Variants in PFKFB3 observed in about 807,000 individuals in gnomAD.
PFKFB3 encodes the protein 6-phosphofructo-2-kinase/fructose-2,6-biphosphatase 3.
Under a neutral mutation model 68.0 loss-of-function variants are expected in PFKFB3, and 33 were observed. The observed-to-expected ratio is 0.49, with a 90% confidence interval of 0.37 to 0.65. PFKFB3 has a LOEUF of 0.65. PFKFB3 is among the 30% of genes least tolerant of loss of function. The pLI, the probability that PFKFB3 is intolerant of heterozygous loss-of-function variation, is 0.00. For synonymous variants in PFKFB3, 315 were observed against 288.2 expected (o/e 1.09, Z -0.94); for missense variants, 586 against 712.2 (o/e 0.82, Z 2.02).
At chr10:6,190,217 T>C (rs1195964001) in intron 1 of PFKFB3, among the ~76,000 whole-genome samples, 1 of 152,246 alleles carries the variant, frequency 6.6e-6, no homozygotes, top group Non-Finnish European at 1.5e-5. Context: ...GTGCTGAGAT[T>C]ACAGGCGTGA....
intron 14 of PFKFB3, among the ~76,000 whole-genome samples, chr10:6,244,211 A>G (rs906343290): frequency 6.6e-6 from 1 of 152,124 alleles, no homozygotes; most frequent in African/African-American, 2.4e-5. Context: ...GCCTTAACTC[A>G]GCTGTTTGGA....
At chr10:6,187,661 G>C (rs1842907642) in intron 1 of PFKFB3, among the ~76,000 whole-genome samples, 1 of 152,164 alleles carries the variant, frequency 6.6e-6, no homozygotes, top group Non-Finnish European at 1.5e-5. Context: ...TTGATTCATT[G>C]TTTATTCAAA....
intron 1 of PFKFB3, among the ~76,000 whole-genome samples, chr10:6,185,270 C>T (rs1051878832): frequency 2.0e-5 from 3 of 152,200 alleles, no homozygotes; most frequent in Non-Finnish European, 2.9e-5. Context: ...TGGCTTCCTC[C>T]GTAATCTCTT....
chr10:6,201,279 T>C (rs2131850379), upstream of PFKFB3, among the ~76,000 whole-genome samples: 1 of 151,514 alleles, frequency 6.6e-6, no homozygotes, highest in East Asian at 2.0e-4. The surrounding 1 kb of genome is among the most constrained non-coding windows in gnomAD (Gnocchi z 4.1). Context: ...GCGTTTAGGG[T>C]GTCGCCTCTG....
the PFKFB3 span, among the ~76,000 whole-genome samples, chr10:6,326,365 A>G: frequency 1.3e-5 from 2 of 152,174 alleles, no homozygotes; most frequent in Non-Finnish European, 1.5e-5. Context: ...TGACGGGTTG[A>G]TAGGAGCAGC....
chr10:6,319,340 A>T, the PFKFB3 span, among the ~76,000 whole-genome samples: 25 of 152,388 alleles, frequency 1.6e-4, no homozygotes, highest in East Asian at 7.7e-4. Context: ...ATGAAAAAGG[A>T]TCATGTCTTT....
chr10:6,175,583 C>T (rs1241676254), intron 1 of PFKFB3, among the ~76,000 whole-genome samples: 1 of 152,168 alleles, frequency 6.6e-6, no homozygotes, highest in African/African-American at 2.4e-5. Context: ...GGGCTCTTAT[C>T]CGGGAACAGT....
At chr10:6,290,215 G>T in the PFKFB3 span, among the ~76,000 whole-genome samples, 2 of 151,758 alleles carry the variant, frequency 1.3e-5, no homozygotes, top group East Asian at 3.9e-4. Flanking sequence ...CTGCCTGATT[G>T]CCCTGGCCAG....
At position 6,220,702 on chromosome 10, in the gene PFKFB3, T is replaced by A; in HGVS notation, c.668T>A (p.Leu223Gln). Reference protein sequence around the residue: ...IKVIDVGRRFLVNRVQDHIQS... With the variant: ...IKVIDVGRRFQVNRVQDHIQS... ...GTGATTGACGTGGGCCGGAGGTTCC[T>A]GGTGAACCGGGTGCAGGACCACATC... Residue 223 changes from leucine to glutamine, a missense_variant, in exon 8 of 15, where the codon CTG (leucine) becomes CAG (glutamine). Coordinates refer to ENST00000379775, the MANE Select transcript of PFKFB3 (RefSeq NM_004566.4). This position sits in a 1 kb window ranked among gnomAD's most constrained non-coding sequence, Gnocchi z 4.1. 1 of 1,614,098 alleles carries A rather than the reference T, an allele frequency of 6.2e-7. No individual in the cohort carries two copies. Among genetic ancestry groups the A allele is most frequent in the South Asian group, 1.1e-5 (1 of 91,082 alleles).
the PFKFB3 span, among the ~76,000 whole-genome samples, chr10:6,282,806 G>A: frequency 3.3e-5 from 5 of 152,252 alleles, no homozygotes; most frequent in Admixed American, 6.5e-5. Flanking sequence ...ACAAACATAG[G>A]AGCTGTGTTC....
intron 1 of PFKFB3, among the ~76,000 whole-genome samples, chr10:6,187,614 A>C (rs2131811298): frequency 6.6e-6 from 1 of 152,318 alleles, no homozygotes; most frequent in South Asian, 2.1e-4. Flanking sequence ...ATTTGTCATT[A>C]TCTTTCAGCA....
At chr10:6,298,434 G>A in the PFKFB3 span, among the ~76,000 whole-genome samples, 1 of 150,592 alleles carries the variant, frequency 6.6e-6, no homozygotes, top group African/African-American at 2.4e-5. Flanking sequence ...ATTCAGTGGT[G>A]TGATCATAGC....
the PFKFB3 span, among the ~76,000 whole-genome samples, chr10:6,276,525 A>G: frequency 4.6e-5 from 7 of 152,206 alleles, no homozygotes; most frequent in African/African-American, 1.4e-4. Flanking sequence ...ACTAGCTACA[A>G]TAACTCCAAT....
rs1162199768 is a variant in PFKFB3 at position 6,215,647 on chromosome 10, A to G, written c.299+330A>G. On this transcript the variant is annotated intron_variant, in intron 3 of 14. Transcript: ENST00000379775. This position sits in a 1 kb window ranked among gnomAD's most constrained non-coding sequence, Gnocchi z 4.3. ...ACCCTCACTGGGACAGAGCCGCAGA[A>G]GCACCCTCACTGAGAATTAGCAAGT... Among the ~76,000 whole-genome samples, 1 of 152,194 alleles carries G rather than the reference A, an allele frequency of 6.6e-6. No homozygotes were observed. Among genetic ancestry groups the G allele is most frequent in the Non-Finnish European group, 1.5e-5 (1 of 68,024 alleles).
chr10:6,236,297 C>T (rs1042561475), downstream of PFKFB3, among the ~76,000 whole-genome samples: 4 of 152,232 alleles, frequency 2.6e-5, no homozygotes, highest in South Asian at 2.1e-4. Flanking sequence ...TCACTTCCAG[C>T]CTCAGCGTCT....
chr10:6,189,326 T>C (rs143693010), intron 1 of PFKFB3, among the ~76,000 whole-genome samples: 4,848 of 152,222 alleles, frequency 0.032, 137 homozygotes, highest in Admixed American at 0.098. Flanking sequence ...TATCCCTAAT[T>C]TTTTTAGAAT....
chr10:6,240,209 G>A (rs1244933161), downstream of PFKFB3, among the ~76,000 whole-genome samples: 2 of 151,988 alleles, frequency 1.3e-5, no homozygotes, highest in African/African-American at 2.4e-5. Flanking sequence ...ACAAGAAAGG[G>A]CTTAGACTAG....
intron 14 of PFKFB3, among the ~76,000 whole-genome samples, chr10:6,245,494 G>A (rs1846236804): frequency 6.6e-6 from 1 of 151,928 alleles, no homozygotes; most frequent in Non-Finnish European, 1.5e-5. Context: ...AGGGCTCACT[G>A]CAGTCTCAAC....
At chr10:6,152,854 C>T (rs2131683187) in intron 1 of PFKFB3, among the ~76,000 whole-genome samples, 1 of 152,032 alleles carries the variant, frequency 6.6e-6, no homozygotes, top group African/African-American at 2.4e-5. Flanking sequence ...GCACTCCAGC[C>T]CGGGCAACAG....
Sources: gnomAD v4.1 joint callset for allele counts (sites outside exome capture counted in the v4.1 genomes callset) on GRCh38, gnomAD v4.1.1 for gene constraint, Gnocchi (gnomAD v3.1) non-coding constraint, MANE v1.5 for transcripts, NCBI Gene and HGNC (gene_info 2026-07-23, HGNC 2026-07-21) for gene names.